The following PRSS23 variants were observed in gnomAD, a reference collection of about 807,000 sequenced individuals.
The protein encoded by PRSS23 is protease, serine 23.
A neutral mutation model predicts 34.7 loss-of-function variants in PRSS23; 25 were observed. That is an observed-to-expected ratio of 0.72 (90% CI 0.53 to 1.01). The LOEUF (loss-of-function observed/expected upper bound fraction) is 1.01, where lower values mean the gene tolerates loss of function less well. Ranked by LOEUF, PRSS23 falls within the 50% of genes least tolerant of loss-of-function variation. The probability of loss-of-function intolerance (pLI) is 0.00; values close to 1 mark genes in which losing one functional copy is unlikely to be tolerated. For synonymous variants in PRSS23, 176 were observed against 186.6 expected (o/e 0.94, Z 0.46); for missense variants, 445 against 475.6 (o/e 0.94, Z 0.60).
chr11:86,808,500 G>T lies in PRSS23; in HGVS notation c.857G>T (p.Arg286Leu). 1 of 1,614,206 alleles carries T rather than the reference G, an allele frequency of 6.2e-7. No homozygotes were observed. Among genetic ancestry groups the T allele is most frequent in the South Asian group, 1.1e-5 (1 of 91,068 alleles). ...RIHFSGYDND[R>L]PGNLVYRFCD... Reference sequence around the variant, plus strand: ...CACTTCTCTGGTTATGACAATGACCGACCAGGCAATTTGGTGTATCGCTTC... The same window carrying T: ...CACTTCTCTGGTTATGACAATGACCTACCAGGCAATTTGGTGTATCGCTTC... Residue 286 changes from arginine to leucine, a missense_variant, in exon 2 of 2, where the codon CGA becomes CTA. Transcript: ENST00000280258.
intron 2 of PRSS23, among the ~76,000 whole-genome samples, chr11:86,902,379 T>TC (rs1301013847): frequency 6.6e-6 from 1 of 152,210 alleles, no homozygotes; most frequent in African/African-American, 2.4e-5. Context: ...TTAATTTTTT[T>TC]CTTTCTTAAG....
At chr11:86,859,657 G>A (rs34168253) in intron 2 of PRSS23, among the ~76,000 whole-genome samples, 10,502 of 151,938 alleles carry the variant, frequency 0.069, 459 homozygotes, top group East Asian at 0.16. Flanking sequence ...CTAGTATCCA[G>A]AGGGCAAAAA....
chr11:86,803,430 G>C (rs1948063440), intron 1 of PRSS23, among the ~76,000 whole-genome samples: 1 of 152,150 alleles, frequency 6.6e-6, no homozygotes. Context: ...ACTTAAACAG[G>C]TATAGCACAG....
chr11:86,951,198 C>T lies in PRSS23; in HGVS notation c.207-18C>T, dbSNP rs1949287796. 8 of 1,614,004 alleles carry T rather than the reference C, an allele frequency of 5.0e-6. No homozygotes were observed. In the South Asian group the frequency reaches 7.7e-5, roughly 16 times the overall value. On this transcript the variant is annotated intron_variant, in intron 2 of 2. Coordinates refer to the PRSS23 transcript ENST00000533902. ...TTCACCCAACCATTTCCTCTCTTCT[C>T]TCTCTTTACCTTTCCAGAATTCACC...
At chr11:86,792,634 A>T (rs1364965043) in intron 1 of PRSS23, among the ~76,000 whole-genome samples, 1 of 152,230 alleles carries the variant, frequency 6.6e-6, no homozygotes, top group Non-Finnish European at 1.5e-5. Context: ...ATAAAATTAC[A>T]AGAGCTATGA....
At chr11:86,863,370 G>A (rs529680348) in intron 2 of PRSS23, among the ~76,000 whole-genome samples, 1 of 152,044 alleles carries the variant, frequency 6.6e-6, no homozygotes, top group Non-Finnish European at 1.5e-5. Context: ...CTTGAGGAGA[G>A]AACTTCAGCT....
At chr11:86,850,084 G>A (rs1003250876) in intron 2 of PRSS23, among the ~76,000 whole-genome samples, 6 of 152,156 alleles carry the variant, frequency 3.9e-5, no homozygotes, top group Non-Finnish European at 7.3e-5. Flanking sequence ...GGATACCTGG[G>A]CTCCTCCCCT....
chr11:86,944,021 G>C (rs1949223872), intron 2 of PRSS23, among the ~76,000 whole-genome samples: 1 of 152,114 alleles, frequency 6.6e-6, no homozygotes, highest in African/African-American at 2.4e-5. Flanking sequence ...GATTACAGGT[G>C]TGAGCCACTG....
chr11:86,918,901 G>A (rs2135001392), intron 2 of PRSS23, among the ~76,000 whole-genome samples: 1 of 152,226 alleles, frequency 6.6e-6, no homozygotes, highest in South Asian at 2.1e-4. Flanking sequence ...TAATAACCTG[G>A]GAACTAAGAA....
At chr11:86,879,802 C>A (rs1948759246) in intron 2 of PRSS23, among the ~76,000 whole-genome samples, 1 of 111,022 alleles carries the variant, frequency 9.0e-6, no homozygotes, top group Non-Finnish European at 1.9e-5. Flanking sequence ...CGGCCAGCCG[C>A]CCCGTCCGGG....
intron 2 of PRSS23, among the ~76,000 whole-genome samples, chr11:86,853,743 C>A (rs1334145971): frequency 6.6e-6 from 1 of 152,084 alleles, no homozygotes; most frequent in Non-Finnish European, 1.5e-5. Context: ...TTGGGAGGTA[C>A]CCACGAATGT....
At chr11:86,935,760 CG>C (rs1380917085) in intron 2 of PRSS23, 4 of 152,198 alleles carry the variant, frequency 2.6e-5, no homozygotes, top group East Asian at 3.9e-4. Context: ...TAGAAAGTTA[CG>C]GAACTGGGAT....
intron 2 of PRSS23, chr11:86,909,216 C>T (rs1349178393): frequency 6.6e-6 from 1 of 152,160 alleles, no homozygotes; most frequent in Non-Finnish European, 1.5e-5. Flanking sequence ...GGTGGCCCAC[C>T]CACTGTCACC....
chr11:86,903,974 G>A (rs1282788236), intron 2 of PRSS23, among the ~76,000 whole-genome samples: 3 of 150,260 alleles, frequency 2.0e-5, no homozygotes, highest in Admixed American at 6.7e-5. Flanking sequence ...CTGAAATAGG[G>A]CTGCTTGAAT....
At position 86,808,912 on chromosome 11, in the gene PRSS23, G is replaced by GTGTGT; in HGVS notation, c.*117_*118insTGTGT. 5.9e-6 allele frequency: 5 copies of GTGTGT among 843,648 alleles called. No homozygotes were observed. Among genetic ancestry groups the GTGTGT allele is most frequent in the Admixed American group, 2.7e-5 (1 of 37,280 alleles). 52.3% of individuals were successfully genotyped at this position (843,648 alleles called of 1,614,324 possible). A position where few individuals can be genotyped will look rare whatever the true frequency, so the allele number is the denominator to read the frequency against. On this transcript the variant is annotated 3_prime_UTR_variant, in exon 2 of 2. Coordinates refer to ENST00000280258, the MANE Select transcript of PRSS23 (RefSeq NM_007173.6). Reference sequence around the variant, plus strand: ...TGTGTGTGTGTGTGTGTGTGTGTAAGGTGTCTTATAATCTTTTACCTATTT... The same window carrying GTGTGT: ...TGTGTGTGTGTGTGTGTGTGTGTAAGTGTGTGTGTCTTATAATCTTTTACCTATTT...
At chr11:86,884,745 A>G (rs1948791945) in intron 2 of PRSS23, among the ~76,000 whole-genome samples, 1 of 152,166 alleles carries the variant, frequency 6.6e-6, no homozygotes, top group Non-Finnish European at 1.5e-5. Context: ...CCATTCCCCT[A>G]CACTATCATA....
At chr11:86,820,259 A>T (rs769860791) in intron 1 of PRSS23, among the ~76,000 whole-genome samples, 2 of 152,252 alleles carry the variant, frequency 1.3e-5, no homozygotes, top group Non-Finnish European at 2.9e-5. Flanking sequence ...AACAAAGATA[A>T]GCAAGAGCCT....
chr11:86,833,379 G>T, intron 2 of PRSS23: 2 of 714,720 alleles, frequency 2.8e-6, no homozygotes, highest in Non-Finnish European at 5.1e-6. Context: ...ACAGCCCAGC[G>T]AGGGCCAGCT....
chr11:86,880,168 G>C (rs373848011), intron 2 of PRSS23, among the ~76,000 whole-genome samples: 1 of 152,100 alleles, frequency 6.6e-6, no homozygotes, highest in Admixed American at 6.5e-5. Context: ...GCTCTCTGAA[G>C]CATGTGCTGT....
Sources: allele counts gnomAD v4.1 joint callset (sites outside exome capture counted in the v4.1 genomes callset), GRCh38; gene constraint gnomAD v4.1.1; transcripts MANE v1.5; gene names NCBI Gene and HGNC (gene_info 2026-07-23, HGNC 2026-07-21).